Variants in SULT1B1 observed in about 807,000 individuals in gnomAD.
SULT1B1 encodes sulfotransferase family 1B member 1.
In SULT1B1, 28 loss-of-function variants were observed where a neutral mutation model predicts 34.6. The ratio of observed to expected loss-of-function variants is 0.81; its 90% confidence interval spans 0.60 to 1.11. The LOEUF (loss-of-function observed/expected upper bound fraction) is 1.11, where lower values mean the gene tolerates loss of function less well. SULT1B1 is among the 50% of genes least tolerant of loss of function. The probability of loss-of-function intolerance (pLI) is 0.00; values close to 1 mark genes in which losing one functional copy is unlikely to be tolerated. For synonymous variants in SULT1B1, 147 were observed against 110.2 expected (o/e 1.33, Z -2.09); for missense variants, 374 against 352.2 (o/e 1.06, Z -0.50).
intron 4 of SULT1B1, among the ~76,000 whole-genome samples, chr4:69,741,224 C>T (rs1370286027): frequency 6.6e-6 from 1 of 152,174 alleles, no homozygotes; most frequent in Non-Finnish European, 1.5e-5. Context: ...TCTAGGCTCT[C>T]TAACCTGTTC....
In SULT1B1 at chr4:69,755,208, G is replaced by C. The variant is rs752215080; in HGVS notation, c.10C>G (p.Pro4Ala). Reference protein sequence around the residue: MLSPKDILRKDLKL... With the variant: MLSAKDILRKDLKL... Reference sequence around the variant, plus strand: ...AGATCTTTTCGCAGAATATCTTTTGGGGAAAGCATTTTAATACCAGATTGT... The same window carrying C: ...AGATCTTTTCGCAGAATATCTTTTGCGGAAAGCATTTTAATACCAGATTGT... The change falls in exon 2 of 8, where the codon CCA (proline) becomes GCA (alanine). Residue 4 changes from proline (P) to alanine (A), a missense_variant. Pro to Ala is a conservative substitution (Grantham distance 27, BLOSUM62 -1). Transcript: ENST00000310613. The C allele has an allele frequency of 1.2e-6, 2 of 1,613,104 alleles. No individual in the cohort carries two copies. Among genetic ancestry groups the C allele is most frequent in the South Asian group, 2.2e-5 (2 of 91,046 alleles).
Position 69,722,694 on chromosome 4 carries a change from C to G in SULT1B1, c.*4394G>C, listed in dbSNP as rs947703788. ...TTGTTACCACTAGACCAATCCTTTGCTGGGGTTGGAAAAGAGAAATGTTAC... is the reference window on the plus strand; with the variant it reads ...TTGTTACCACTAGACCAATCCTTTGGTGGGGTTGGAAAAGAGAAATGTTAC... On this transcript the variant is annotated 3_prime_UTR_variant, in exon 8 of 8. Coordinates refer to ENST00000310613, the MANE Select transcript of SULT1B1 (RefSeq NM_014465.4). The G allele has an allele frequency of 2.0e-5, 3 of 152,036 alleles. No homozygotes were observed. The highest frequency in any genetic ancestry group is 2.9e-5 in the Non-Finnish European group (2 of 68,010). 9.4% of individuals were successfully genotyped at this position (152,036 alleles called of 1,614,324 possible).
chr4:69,735,754 G>A (rs1251227556), intron 4 of SULT1B1, among the ~76,000 whole-genome samples: 2 of 152,166 alleles, frequency 1.3e-5, no homozygotes, highest in African/African-American at 4.8e-5. Context: ...AAGATTTAAA[G>A]TAGCTATCAT....
Position 69,754,783 on chromosome 4 carries a change from C to G in SULT1B1, c.164G>C (p.Ser55Thr), listed in dbSNP as rs1422529712. 6.2e-7 allele frequency: 1 copy of G among 1,612,460 alleles called. No homozygotes were observed. Among genetic ancestry groups the G allele is most frequent in the East Asian group, 2.2e-5 (1 of 44,756 alleles). Residue 55 changes from serine to threonine, a missense_variant, in exon 3 of 8, where the codon AGT becomes ACT. Coordinates refer to ENST00000310613, the MANE Select transcript of SULT1B1 (RefSeq NM_014465.4). ...ATTTAGAATCATGTCTATAATTTCA[C>G]TAACCCAAGTAGTACCTGTGACAAA... is the stretch of plus-strand genomic sequence containing the variant. ...TYPKSGTTWV[S>T]EIIDMILNDG...
intron 7 of SULT1B1, among the ~76,000 whole-genome samples, chr4:69,729,646 T>C (rs1343627619): frequency 6.6e-6 from 1 of 152,114 alleles, no homozygotes; most frequent in Non-Finnish European, 1.5e-5. Context: ...AAACAACTTT[T>C]CAAAAAATTA....
chr4:69,741,399 CT>C (rs1718543615), intron 4 of SULT1B1, among the ~76,000 whole-genome samples: 1 of 152,094 alleles, frequency 6.6e-6, no homozygotes, highest in Admixed American at 6.5e-5. Context: ...TTTAAAATAG[CT>C]TTTTTTCTAG....
At position 69,727,166 on chromosome 4, in the gene SULT1B1, C is replaced by A; in HGVS notation, c.813G>T (p.Val271=). 1 of 1,611,142 alleles carries A rather than the reference C, an allele frequency of 6.2e-7. No homozygotes were observed. Among genetic ancestry groups the A allele is most frequent in the South Asian group, 1.1e-5 (1 of 90,830 alleles). Residue 271 remains valine (V), a synonymous_variant, in exon 8 of 8, where the codon GTG becomes GTT. Transcript: ENST00000310613. ...TAGDWKNYFT[V]AQNEKFDAIY... ...TAGCATCAAATTTCTCATTTTGGGCCACGGTGAAGTAATTCTTCCAGTCAC... is the reference window on the plus strand; with the variant it reads ...TAGCATCAAATTTCTCATTTTGGGCAACGGTGAAGTAATTCTTCCAGTCAC...
In SULT1B1 at chr4:69,723,558, CAG is replaced by C. The variant is rs1449367734; in HGVS notation, c.*3528_*3529del. The C allele has an allele frequency of 1.3e-5, 2 of 152,126 alleles. No homozygotes were observed. Among genetic ancestry groups the C allele is most frequent in the African/African-American group, 4.8e-5 (2 of 41,408 alleles). The allele number at this position is 152,126 out of a possible 1,614,324, so 9.4% of individuals were successfully genotyped here. ...GCATCATCCTGATACCAAAGCCTGG[CAG>C]AGACACAACAAAAAAAGAGAATTTT... is the stretch of plus-strand genomic sequence containing the variant. On this transcript the variant is annotated 3_prime_UTR_variant, in exon 8 of 8. Transcript: ENST00000310613.
chr4:69,748,274 T>A (rs1319250839), intron 4 of SULT1B1, among the ~76,000 whole-genome samples: 1 of 151,794 alleles, frequency 6.6e-6, no homozygotes, highest in Non-Finnish European at 1.5e-5. Context: ...GGAAAAAAAA[T>A]TACAAGGCAC....
chr4:69,755,777 C>T (rs540895276), intron 1 of SULT1B1, among the ~76,000 whole-genome samples: 7 of 152,096 alleles, frequency 4.6e-5, no homozygotes, highest in East Asian at 3.9e-4. Context: ...TGTGTGTGCA[C>T]GCGCGTATAC....
At chr4:69,752,852 A>G (rs1328058786) in intron 3 of SULT1B1, among the ~76,000 whole-genome samples, 1 of 152,236 alleles carries the variant, frequency 6.6e-6, no homozygotes, top group Non-Finnish European at 1.5e-5. Context: ...GCAGCATTTG[A>G]AAGTCAAGCT....
Position 69,754,815 on chromosome 4 carries a change from C to T in SULT1B1, c.149-17G>A, listed in dbSNP as rs779457621. On this transcript the variant is annotated splice_polypyrimidine_tract_variant and intron_variant, in intron 2 of 7. Transcript: ENST00000310613. Reference sequence around the variant, plus strand: ...AAGTAGTACCTGTGACAAAAGGCAACATTTTCAAAATAATTACCCAAATTG... The same window carrying T: ...AAGTAGTACCTGTGACAAAAGGCAATATTTTCAAAATAATTACCCAAATTG... 2 of 1,606,350 alleles carry T rather than the reference C, an allele frequency of 1.2e-6. No homozygotes were observed. Among genetic ancestry groups the T allele is most frequent in the Non-Finnish European group, 1.7e-6 (2 of 1,176,332 alleles).
chr4:69,732,630 A>G (rs1239062174), intron 6 of SULT1B1, among the ~76,000 whole-genome samples: 10 of 151,912 alleles, frequency 6.6e-5, no homozygotes, highest in African/African-American at 1.7e-4. Flanking sequence ...CAACATGTTT[A>G]CCTGTTGTGT....
intron 3 of SULT1B1, among the ~76,000 whole-genome samples, chr4:69,751,192 A>C (rs1718966628): frequency 6.6e-6 from 1 of 152,218 alleles, no homozygotes; most frequent in African/African-American, 2.4e-5. Context: ...CCCAGCATAT[A>C]AAAATGAGAA....
Position 69,727,049 on chromosome 4 carries a change from G to T in SULT1B1, c.*39C>A. On this transcript the variant is annotated 3_prime_UTR_variant, in exon 8 of 8. Coordinates refer to ENST00000310613, the MANE Select transcript of SULT1B1 (RefSeq NM_014465.4). ...ACTGCCCTCGTTTCAATCAACTACA[G>T]ACAATCTCTTATTTCTTCAGATGTG... The T allele has an allele frequency of 1.3e-6, 2 of 1,493,792 alleles. No homozygotes were observed. The allele number at this position is 1,493,792 out of a possible 1,614,324, so 92.5% of individuals were successfully genotyped here.
At chr4:69,750,681 T>C (rs1718944852) in intron 3 of SULT1B1, among the ~76,000 whole-genome samples, 1 of 152,234 alleles carries the variant, frequency 6.6e-6, no homozygotes, top group African/African-American at 2.4e-5. Context: ...CTATTACATT[T>C]TTCTCTTAAT....
At chr4:69,729,382 G>A (rs1473725271) in intron 7 of SULT1B1, among the ~76,000 whole-genome samples, 1 of 151,874 alleles carries the variant, frequency 6.6e-6, no homozygotes, top group African/African-American at 2.4e-5. Flanking sequence ...CAGAGTTCCT[G>A]GAACCAATCC....
intron 1 of SULT1B1, chr4:69,760,182 G>C: frequency 1.8e-5 from 18 of 976,190 alleles, no homozygotes; most frequent in Non-Finnish European, 2.2e-5. Context: ...ACTTGAAAAA[G>C]ATTTCTTTTT....
At chr4:69,754,584 G>A (rs565772738) in intron 3 of SULT1B1, 86 bp downstream of exon 3, 68 of 1,336,164 alleles carry the variant, frequency 5.1e-5, no homozygotes, top group East Asian at 3.3e-4. Flanking sequence ...AATCTACTCC[G>A]GTTTCAGTGA....
Sources: allele counts gnomAD v4.1 joint callset (sites outside exome capture counted in the v4.1 genomes callset), GRCh38; gene constraint gnomAD v4.1.1; transcripts MANE v1.5; gene names NCBI Gene and HGNC (gene_info 2026-07-23, HGNC 2026-07-21).